The following DNAH11 variants were observed in gnomAD, a reference collection of about 807,000 sequenced individuals.
DNAH11 encodes axonemal beta dynein heavy chain 11.
A neutral mutation model predicts 526.0 loss-of-function variants in DNAH11; 442 were observed. The ratio of observed to expected loss-of-function variants is 0.84; its 90% CI spans 0.78 to 0.91. DNAH11 has a LOEUF of 0.91. Ranked by LOEUF, DNAH11 falls within the 40% of genes least tolerant of loss-of-function variation. DNAH11 has a pLI of 0.00. For synonymous variants in DNAH11, 2,461 were observed against 1,935.9 expected (o/e 1.27, Z -7.12); for missense variants, 6,989 against 5,448.7 (o/e 1.28, Z -8.90).
At chr7:21,890,124 C>A (rs1163878648) in intron 76 of DNAH11, among the ~76,000 whole-genome samples, 2 of 152,180 alleles carry the variant, frequency 1.3e-5, no homozygotes, top group African/African-American at 2.4e-5. Context: ...TGGCCACAAC[C>A]ATTAGGTTGC....
intron 61 of DNAH11, among the ~76,000 whole-genome samples, chr7:21,796,324 G>T (rs1201434833): frequency 6.6e-6 from 1 of 152,160 alleles, no homozygotes; most frequent in African/African-American, 2.4e-5. Context: ...CAGACAGGGA[G>T]AGCAATTGAA....
chr7:21,560,839 C>G (rs758613546), intron 4 of DNAH11, among the ~76,000 whole-genome samples: 8 of 151,994 alleles, frequency 5.3e-5, no homozygotes, highest in Non-Finnish European at 1.0e-4. Context: ...ATAACTATCA[C>G]ATATAATAAT....
intron 76 of DNAH11, among the ~76,000 whole-genome samples, chr7:21,886,084 G>T (rs1044859639): frequency 6.6e-6 from 1 of 152,116 alleles, no homozygotes; most frequent in Non-Finnish European, 1.5e-5. Context: ...TCTATTTCCA[G>T]TTGGGCGAGA....
At position 21,707,816 on chromosome 7, in the gene DNAH11, C is replaced by T. The variant is rs773498002; in HGVS notation, c.6664C>T (p.Arg2222Ter). The T allele has an allele frequency of 1.8e-5, 29 of 1,597,698 alleles. No individual in the cohort carries two copies. Among genetic ancestry groups the T allele is most frequent in the Non-Finnish European group, 2.2e-5 (26 of 1,173,374 alleles). Residue 2222 changes from arginine (R) to a stop codon, truncating the protein, a stop_gained, in exon 40 of 82, where the codon CGA (arginine) becomes TGA (stop). Coordinates refer to ENST00000409508, the MANE Select transcript of DNAH11 (RefSeq NM_001277115.2). LOFTEE classifies it high-confidence loss of function. ...CTTTGGTTTCATACATCATGCTACC[C>T]GAGAATGGAAAGATGGCAAGTAGTA... Reference protein sequence around the residue: ...ELFGFIHHATREWKDGKIVYS... With the variant: ...ELFGFIHHAT
intron 14 of DNAH11, among the ~76,000 whole-genome samples, chr7:21,593,559 A>C (rs1784764975): frequency 7.3e-6 from 1 of 136,238 alleles, no homozygotes; most frequent in Non-Finnish European, 1.7e-5. Context: ...GTTGGAAGAA[A>C]GCCATTGAGG....
At chr7:21,812,281 G>T (rs1446825407) in intron 63 of DNAH11, among the ~76,000 whole-genome samples, 5 of 152,128 alleles carry the variant, frequency 3.3e-5, no homozygotes, top group Non-Finnish European at 2.9e-5. Flanking sequence ...GTGGCATTTT[G>T]ACTTAAGGAT....
At chr7:21,556,145 C>G (rs946900830) in intron 2 of DNAH11, among the ~76,000 whole-genome samples, 1 of 152,068 alleles carries the variant, frequency 6.6e-6, no homozygotes, top group Non-Finnish European at 1.5e-5. Flanking sequence ...AAGGTTATAC[C>G]CTGGTCCCTT....
intron 25 of DNAH11, among the ~76,000 whole-genome samples, chr7:21,621,297 C>A (rs1786042286): frequency 6.6e-6 from 1 of 152,124 alleles, no homozygotes; most frequent in Non-Finnish European, 1.5e-5. Flanking sequence ...CTGAATAGAC[C>A]AATAACAGGC....
chr7:21,572,926 C>T (rs1783949226), intron 8 of DNAH11, among the ~76,000 whole-genome samples: 1 of 152,142 alleles, frequency 6.6e-6, no homozygotes, highest in South Asian at 2.1e-4. Context: ...TGTAAGATGC[C>T]TGGCACTTGG....
At chr7:21,665,525 A>G (rs573991926) in intron 30 of DNAH11, among the ~76,000 whole-genome samples, 1 of 152,264 alleles carries the variant, frequency 6.6e-6, no homozygotes, top group South Asian at 2.1e-4. Context: ...TCCCCTGTCA[A>G]CAACATTGGG....
chr7:21,643,949 C>G (rs1167802628), intron 28 of DNAH11, among the ~76,000 whole-genome samples: 1 of 152,122 alleles, frequency 6.6e-6, no homozygotes, highest in East Asian at 1.9e-4. Context: ...ATGGTTGTAG[C>G]TGTGGAAATT....
Position 21,591,441 on chromosome 7 carries a change from G to T in DNAH11, c.2531G>T (p.Trp844Leu). ...GTGATCCAGCAGACCATGAGGGGCT[G>T]GGCCAGGTGCGTGCTACCTCCCAGG... ...VKVIQQTMRGWARCVLPPRRE... is the reference protein window; with the variant it reads ...VKVIQQTMRGLARCVLPPRRE... Residue 844 changes from tryptophan to leucine, a missense_variant, in exon 14 of 82, where the codon TGG becomes TTG. Coordinates refer to ENST00000409508, the MANE Select transcript of DNAH11 (RefSeq NM_001277115.2). 6.2e-7 allele frequency: 1 copy of T among 1,613,966 alleles called. No homozygotes were observed. The highest frequency in any genetic ancestry group is 8.5e-7 in the Non-Finnish European group (1 of 1,179,872).
At chr7:21,801,764 C>A (rs1789006760) in intron 62 of DNAH11, among the ~76,000 whole-genome samples, 1 of 152,132 alleles carries the variant, frequency 6.6e-6, no homozygotes. Flanking sequence ...TATACATTTG[C>A]CATTGAATTC....
chr7:21,689,702 A>T (rs1783529082), intron 34 of DNAH11, among the ~76,000 whole-genome samples: 1 of 152,224 alleles, frequency 6.6e-6, no homozygotes, highest in South Asian at 2.1e-4. Context: ...TACAAAATCC[A>T]CCTGCTCCTA....
chr7:21,835,352 T>TA (rs1219249119), intron 65 of DNAH11, among the ~76,000 whole-genome samples: 2 of 151,124 alleles, frequency 1.3e-5, no homozygotes, highest in Admixed American at 1.3e-4. Flanking sequence ...AACATAGCTA[T>TA]AAAAATCTTC....
Position 21,784,410 on chromosome 7 carries a change from T to A in DNAH11, c.9484-17T>A. ...TAATAATTTATACGGGTTTGTGTGCTTTTCCTCTTTAATTAGGTGACAGCC... is the reference window on the plus strand; with the variant it reads ...TAATAATTTATACGGGTTTGTGTGCATTTCCTCTTTAATTAGGTGACAGCC... On this transcript the variant is annotated splice_polypyrimidine_tract_variant and intron_variant, in intron 57 of 81. Transcript: ENST00000409508. 1 of 1,592,056 alleles carries A rather than the reference T, an allele frequency of 6.3e-7. No homozygotes were observed. The highest frequency in any genetic ancestry group is 1.1e-5 in the South Asian group (1 of 89,424).
intron 30 of DNAH11, among the ~76,000 whole-genome samples, chr7:21,661,929 C>T (rs900468682): frequency 9.2e-5 from 14 of 152,068 alleles, no homozygotes; most frequent in Admixed American, 5.2e-4. Context: ...AGCAATTCTC[C>T]TGCCACAGCC....
intron 79 of DNAH11, among the ~76,000 whole-genome samples, chr7:21,895,705 CTT>C (rs1784487157): frequency 1.3e-5 from 2 of 152,232 alleles, no homozygotes; most frequent in South Asian, 4.1e-4. Flanking sequence ...AGTGGAGACT[CTT>C]TACATTGTAG....
Position 21,599,826 on chromosome 7 carries a change from AC to A in DNAH11, c.2709del (p.Trp904GlyfsTer5), listed in dbSNP as rs1583516007. On this transcript the variant is annotated frameshift_variant, in exon 15 of 82. Transcript: ENST00000409508. LOFTEE classifies it high-confidence loss of function. Reference sequence around the variant, plus strand: ...CTTCAAAGCCAATCCCTCTCTGGATACCTGGAAAATTTATGTAGAATTCATT... The same window carrying A: ...CTTCAAAGCCAATCCCTCTCTGGATACTGGAAAATTTATGTAGAATTCATT... ...KLFKANPSLD[T>X]WKIYVEFIDD... The A allele has an allele frequency of 1.3e-6, 2 of 1,593,118 alleles. No individual in the cohort carries two copies. The highest frequency in any genetic ancestry group is 4.5e-5 in the East Asian group (2 of 44,566).
Sources: allele counts gnomAD v4.1 joint callset (sites outside exome capture counted in the v4.1 genomes callset), GRCh38; gene constraint gnomAD v4.1.1; transcripts MANE v1.5; gene names NCBI Gene and HGNC (gene_info 2026-07-23, HGNC 2026-07-21).